The following DNAH3 variants were observed in gnomAD, a reference collection of about 807,000 sequenced individuals.
The protein encoded by DNAH3 is axonemal beta dynein heavy chain 3.
In DNAH3, 332 loss-of-function variants were observed where a neutral mutation model predicts 432.5. The observed-to-expected ratio is 0.77, with a 90% CI of 0.70 to 0.84. The LOEUF (loss-of-function observed/expected upper bound fraction) is 0.84, where lower values mean the gene tolerates loss of function less well. Ranked by LOEUF, DNAH3 falls within the 40% of genes least tolerant of loss-of-function variation. DNAH3 has a pLI of 0.00. For missense variants in DNAH3, 4,861 were observed against 5,114.0 expected (o/e 0.95, Z 1.51); for synonymous variants, 1,956 against 1,900.2 (o/e 1.03, Z -0.76).
intron 20 of DNAH3, among the ~76,000 whole-genome samples, chr16:21,079,067 A>AT (rs2091081973): frequency 6.6e-6 from 1 of 152,248 alleles, no homozygotes; most frequent in African/African-American, 2.4e-5. Context: ...CATGGAAAGT[A>AT]TAAGAATAGC....
At chr16:21,104,291 A>G in intron 16 of DNAH3, 180 bp downstream of exon 16, 1 of 616,894 alleles carries the variant, frequency 1.6e-6, no homozygotes, top group Non-Finnish European at 2.9e-6. Context: ...AAGCAGTCTT[A>G]AAGAAAACAT....
At chr16:21,035,664 A>G (rs1464567914) in intron 35 of DNAH3, among the ~76,000 whole-genome samples, 1 of 152,222 alleles carries the variant, frequency 6.6e-6, no homozygotes, top group Non-Finnish European at 1.5e-5. Context: ...AAAATTTTTC[A>G]TAATAAAATA....
intron 8 of DNAH3, among the ~76,000 whole-genome samples, chr16:21,126,293 T>C (rs1017030757): frequency 6.6e-6 from 1 of 152,212 alleles, no homozygotes; most frequent in Non-Finnish European, 1.5e-5. Context: ...GCATCTTTTC[T>C]CTGATCGCTA....
chr16:21,133,744 A>C (rs1018490274), intron 7 of DNAH3, among the ~76,000 whole-genome samples: 2 of 152,228 alleles, frequency 1.3e-5, no homozygotes, highest in Non-Finnish European at 2.9e-5. Context: ...CTGTCTCAAA[A>C]ACAAAAACTG....
chr16:21,020,008 A>G, intron 40 of DNAH3, 139 bp from the exon 41 acceptor site: 1 of 885,630 alleles, frequency 1.1e-6, no homozygotes, highest in East Asian at 2.5e-5. Flanking sequence ...CACCTACCAG[A>G]TCATTTCACA....
At chr16:20,959,543 G>A in intron 53 of DNAH3, 139 bp from the exon 54 acceptor site, 3 of 802,112 alleles carry the variant, frequency 3.7e-6, no homozygotes, top group Non-Finnish European at 5.8e-6. Flanking sequence ...GCCGAGGTGG[G>A]AGGATCACTT....
intron 16 of DNAH3, among the ~76,000 whole-genome samples, chr16:21,101,515 C>A (rs1491001080): frequency 6.6e-6 from 1 of 151,986 alleles, no homozygotes; most frequent in Non-Finnish European, 1.5e-5. Context: ...ATTTGTGGGA[C>A]CATTTAGAGT....
At position 20,992,437 on chromosome 16, in the gene DNAH3, C is replaced by T. The variant is rs531108026; in HGVS notation, c.6602-4372G>A. Among the ~76,000 whole-genome samples, 17 of 152,036 alleles carry T rather than the reference C, an allele frequency of 1.1e-4. 1 individual carries two copies. The highest frequency in any genetic ancestry group is 4.1e-4 in the African/African-American group (17 of 41,470). On this transcript the variant is annotated intron_variant, in intron 44 of 61. Coordinates refer to ENST00000261383, the Ensembl canonical transcript of DNAH3. ...CTCGGCTCACTGCAAGCTCCGCCTCCCGGGTTCACGCCATTCTCCCGCCTC... is the reference window on the plus strand; with the variant it reads ...CTCGGCTCACTGCAAGCTCCGCCTCTCGGGTTCACGCCATTCTCCCGCCTC...
At chr16:20,987,662 T>A (rs183200191) in intron 46 of DNAH3, 31 bp downstream of exon 46, 29 of 1,608,556 alleles carry the variant, frequency 1.8e-5, no homozygotes, top group Non-Finnish European at 2.4e-5. Flanking sequence ...ATATGCTGAA[T>A]GATCTTGGTA....
chr16:21,131,671 G>A (rs998269718), intron 7 of DNAH3, among the ~76,000 whole-genome samples: 3 of 151,728 alleles, frequency 2.0e-5, no homozygotes, highest in South Asian at 2.1e-4. Context: ...CCAACATGGA[G>A]AAACCCTGTC....
chr16:20,966,623 G>T (rs1419867693), intron 52 of DNAH3, among the ~76,000 whole-genome samples: 2 of 152,154 alleles, frequency 1.3e-5, no homozygotes, highest in African/African-American at 4.8e-5. Context: ...CTGGCACACT[G>T]CCTGGTACTT....
intron 38 of DNAH3, among the ~76,000 whole-genome samples, chr16:21,025,511 CAT>C (rs1242775049): frequency 6.8e-6 from 1 of 147,048 alleles, no homozygotes; most frequent in Non-Finnish European, 1.5e-5. Context: ...ATAGATATAA[CAT>C]ATTTATAGAT....
intron 43 of DNAH3, 111 bp from the exon 44 acceptor site, chr16:20,997,573 T>G: frequency 1.6e-6 from 2 of 1,267,528 alleles, no homozygotes; most frequent in Non-Finnish European, 2.2e-6. Context: ...CAGGTTTCCA[T>G]TCCCCATTCC....
exon 31 of DNAH3, chr16:21,049,633 T>C (rs1383661551): frequency 6.2e-7 from 1 of 1,614,184 alleles, no homozygotes; most frequent in African/African-American, 1.3e-5. Flanking sequence ...CTTGAAGAAC[T>C]TCCCCATAGC....
At chr16:21,098,474 A>G in intron 17 of DNAH3, 142 bp downstream of exon 17, 1 of 798,340 alleles carries the variant, frequency 1.3e-6, no homozygotes, top group Non-Finnish European at 1.9e-6. Flanking sequence ...GAAAAAAGAA[A>G]GTACCAATGA....
chr16:21,149,697 A>G (rs751181872), intron 1 of DNAH3, among the ~76,000 whole-genome samples: 1 of 152,224 alleles, frequency 6.6e-6, no homozygotes, highest in Non-Finnish European at 1.5e-5. Context: ...AGCCACAGTC[A>G]AAAACTGATG....
intron 19 of DNAH3, among the ~76,000 whole-genome samples, chr16:21,082,782 C>T (rs760283855): frequency 3.3e-5 from 5 of 150,628 alleles, no homozygotes; most frequent in African/African-American, 9.8e-5. Flanking sequence ...CAGCCGAGAT[C>T]GCACCACTGC....
chr16:21,040,188 T>C (rs1204364756), intron 32 of DNAH3, among the ~76,000 whole-genome samples: 1 of 151,922 alleles, frequency 6.6e-6, no homozygotes, highest in African/African-American at 2.4e-5. Context: ...GGTCCCTCAA[T>C]GGTTCTGTGG....
Position 21,075,569 on chromosome 16 carries a change from G to A in DNAH3, c.2970-8C>T, listed in dbSNP as rs759815623. On this transcript the variant is annotated splice_region_variant and splice_polypyrimidine_tract_variant and intron_variant, in intron 20 of 61. Transcript: ENST00000261383. ...GCACCAATGGGCTCCAATCTAAAGAGAGAACACAGCAACAGCAACATCAAC... is the reference window on the plus strand; with the variant it reads ...GCACCAATGGGCTCCAATCTAAAGAAAGAACACAGCAACAGCAACATCAAC... 1 of 1,602,742 alleles carries A rather than the reference G, an allele frequency of 6.2e-7. No individual in the cohort carries two copies. Among genetic ancestry groups the A allele is most frequent in the South Asian group, 1.1e-5 (1 of 90,836 alleles).
Sources: gnomAD v4.1 joint callset for allele counts (sites outside exome capture counted in the v4.1 genomes callset) on GRCh38, gnomAD v4.1.1 for gene constraint, MANE v1.5 for transcripts, NCBI Gene and HGNC (gene_info 2026-07-23, HGNC 2026-07-21) for gene names.